The following DRAM2 variants were observed in gnomAD, a reference collection of about 807,000 sequenced individuals.
DRAM2 encodes the protein DNA damage regulated autophagy modulator 2, also known as DNA damage-regulated autophagy modulator protein 2.
DRAM2 carries 26 observed loss-of-function variants against 33.5 expected under a neutral mutation model. The ratio of observed to expected loss-of-function variants is 0.78; its 90% CI spans 0.57 to 1.08. The LOEUF is 1.08. Ranked by LOEUF, DRAM2 falls within the 50% of genes least tolerant of loss-of-function variation. The pLI, the probability that DRAM2 is intolerant of heterozygous loss-of-function variation, is 0.00. For synonymous variants in DRAM2, 98 were observed against 109.5 expected (o/e 0.89, Z 0.66); for missense variants, 311 against 318.1 (o/e 0.98, Z 0.17).
chr1:111,125,870 A>G (rs1316619477), intron 5 of DRAM2, among the ~76,000 whole-genome samples: 1 of 152,168 alleles, frequency 6.6e-6, no homozygotes, highest in East Asian at 1.9e-4. Flanking sequence ...TGTTTATCCC[A>G]AAGGAATTTA....
intron 3 of DRAM2, among the ~76,000 whole-genome samples, chr1:111,133,334 C>T (rs992993740): frequency 1.3e-5 from 2 of 152,096 alleles, no homozygotes; most frequent in Admixed American, 6.5e-5. Context: ...TCTGCCACCA[C>T]GTCCGGCTAA....
chr1:111,132,527 A>C (rs1000436710), intron 3 of DRAM2, among the ~76,000 whole-genome samples: 2 of 152,190 alleles, frequency 1.3e-5, no homozygotes, highest in Non-Finnish European at 2.9e-5. Context: ...ATCTGATGCT[A>C]TCTCTAGGTA....
chr1:111,138,479 G>C (rs567706382), intron 2 of DRAM2, among the ~76,000 whole-genome samples: 5 of 152,334 alleles, frequency 3.3e-5, no homozygotes, highest in Admixed American at 2.0e-4. Context: ...AGGGCAGTAA[G>C]AATGTTTATA....
chr1:111,131,524 G>A lies in DRAM2; in HGVS notation c.31C>T (p.Leu11Phe), dbSNP rs770108040. The A allele has an allele frequency of 1.2e-6, 2 of 1,614,100 alleles. No homozygotes were observed. Among genetic ancestry groups the A allele is most frequent in the Non-Finnish European group, 1.7e-6 (2 of 1,180,000 alleles). Residue 11 changes from leucine (L) to phenylalanine (F), a missense_variant, in exon 4 of 10, where the codon CTT (leucine) becomes TTT (phenylalanine). Transcript: ENST00000484310. ...GTCCAAATTACAAGGGCTGAAGGAA[G>A]GAAACTGAGGCCTTGCTGAAACCAC... The part of the protein sequence containing the change: MWWFQQGLSF[L>F]PSALVIWTSA...
rs544772358 is a variant in DRAM2, at chr1:111,118,253, C to T, written c.708G>A (p.Arg236=). 9.3e-6 allele frequency: 15 copies of T among 1,611,052 alleles called. No homozygotes were observed. The African/African-American group carries it at 1.2e-4, about 13-fold the overall frequency. ...TTAATCCATGTAAATTGGCTTCCACCCGTAAAGAAATTTTCTGGAACAGAA... is the reference window on the plus strand; with the variant it reads ...TTAATCCATGTAAATTGGCTTCCACTCGTAAAGAAATTTTCTGGAACAGAA... ...YIRDFQKISL[R]VEANLHGLTL... Residue 236 remains arginine, a synonymous_variant, in exon 10 of 10, where the codon CGG becomes CGA. Transcript: ENST00000484310.
Position 111,117,574 on chromosome 1 carries a change from T to TA in DRAM2, c.*585_*586insT, listed in dbSNP as rs1649171626. The TA allele has an allele frequency of 6.6e-6, 1 of 152,416 alleles. No homozygotes were observed. The highest frequency in any genetic ancestry group is 6.5e-5 in the Admixed American group (1 of 15,308). 9.4% of individuals were successfully genotyped at this position (152,416 alleles called of 1,614,324 possible). ...ATTGTGGCCAGAAAAAAAAAAATCGTTACCTACAAAATCTCTTGGGCAACA... is the reference window on the plus strand; with the variant it reads ...ATTGTGGCCAGAAAAAAAAAAATCGTATACCTACAAAATCTCTTGGGCAACA... On this transcript the variant is annotated 3_prime_UTR_variant, in exon 10 of 10. Coordinates refer to ENST00000484310, the MANE Select transcript of DRAM2 (RefSeq NM_001349884.2).
At chr1:111,125,151 G>C (rs1022802886) in intron 5 of DRAM2, among the ~76,000 whole-genome samples, 1 of 152,138 alleles carries the variant, frequency 6.6e-6, no homozygotes, top group Non-Finnish European at 1.5e-5. Flanking sequence ...AGCTGGGACT[G>C]TAGGCACATA....
chr1:111,131,252 T>G (rs1652016929), intron 4 of DRAM2, among the ~76,000 whole-genome samples, 172 bp downstream of exon 4: 2 of 152,324 alleles, frequency 1.3e-5, no homozygotes, highest in South Asian at 4.1e-4. Context: ...GTCTCTACAT[T>G]TCTCTATCAC....
intron 8 of DRAM2, 21 bp downstream of exon 8, chr1:111,119,854 GTT>G (rs751747612): frequency 1.3e-6 from 2 of 1,587,288 alleles, no homozygotes; most frequent in Non-Finnish European, 1.7e-6. Context: ...ATAAAACTAA[GTT>G]TATAGACTGT....
intron 5 of DRAM2, 26 bp from the exon 6 acceptor site, chr1:111,124,907 AC>A: frequency 1.2e-6 from 2 of 1,605,348 alleles, no homozygotes; most frequent in Non-Finnish European, 8.5e-7. Context: ...CCAAAAAACA[AC>A]AAAGTAATAA....
intron 4 of DRAM2, among the ~76,000 whole-genome samples, chr1:111,130,217 G>GT (rs538241910): frequency 2.0e-3 from 303 of 152,254 alleles, no homozygotes; most frequent in African/African-American, 6.8e-3. Flanking sequence ...AGCATAAAAA[G>GT]TAAGAGCCTA....
intron 4 of DRAM2, among the ~76,000 whole-genome samples, 169 bp from the exon 5 acceptor site, chr1:111,126,463 A>G (rs934610594): frequency 4.6e-5 from 7 of 151,910 alleles, no homozygotes; most frequent in African/African-American, 1.7e-4. Context: ...GAGTTCACAA[A>G]TATCTGCCTA....
At chr1:111,139,730 G>C (rs932861134) in intron 1 of DRAM2, 64 bp from the exon 2 acceptor site, 3 of 152,482 alleles carry the variant, frequency 2.0e-5, no homozygotes, top group Non-Finnish European at 2.9e-5. Flanking sequence ...GGCAGGAGGA[G>C]AGTAGGGGAA....
At chr1:111,129,987 T>C (rs553124193) in intron 4 of DRAM2, among the ~76,000 whole-genome samples, 159 of 152,312 alleles carry the variant, frequency 1.0e-3, no homozygotes, top group South Asian at 7.7e-3. Context: ...ATAATCACTC[T>C]AGTATTGTTT....
rs566337309 is a variant in DRAM2, at chr1:111,117,591, T to C, written c.*569A>G. 6.5e-6 allele frequency: 1 copy of C among 153,022 alleles called. No homozygotes were observed. Among genetic ancestry groups the C allele is most frequent in the East Asian group, 1.9e-4 (1 of 5,186 alleles). 9.5% of individuals were successfully genotyped at this position (153,022 alleles called of 1,614,324 possible). ...AAAAATCGTTACCTACAAAATCTCT[T>C]GGGCAACACTTAAGCCATGGAAGAG... On this transcript the variant is annotated 3_prime_UTR_variant, in exon 10 of 10. Coordinates refer to ENST00000484310, the MANE Select transcript of DRAM2 (RefSeq NM_001349884.2).
intron 8 of DRAM2, 86 bp downstream of exon 8, chr1:111,119,791 T>G: frequency 3.6e-6 from 4 of 1,106,870 alleles, no homozygotes; most frequent in Middle Eastern, 2.1e-4. Flanking sequence ...ACTTTCATTG[T>G]TACTGATGAA....
intron 6 of DRAM2, among the ~76,000 whole-genome samples, chr1:111,123,349 T>C (rs1650388660): frequency 6.6e-6 from 1 of 152,146 alleles, no homozygotes. Context: ...TGGAATTACA[T>C]GAGTTACTGT....
At position 111,119,793 on chromosome 1, in the gene DRAM2, A is replaced by G. The variant is rs79142501; in HGVS notation, c.600+84T>C. 1,899 of 1,113,644 alleles carry G rather than the reference A, an allele frequency of 1.7e-3. 30 individuals are homozygous for G. In the African/African-American group the frequency reaches 0.027, roughly 16 times the overall value. The allele number at this position is 1,113,644 out of a possible 1,614,324, so 69.0% of individuals were successfully genotyped here. A position where few individuals can be genotyped will look rare whatever the true frequency, so the allele number is the denominator to read the frequency against. ...ATTCTACCAGAAGACTTTCATTGTT[A>G]CTGATGAAATGAAAAACATATCAAG... On this transcript the variant is annotated intron_variant, in intron 8 of 9. Transcript: ENST00000484310.
intron 6 of DRAM2, 140 bp from the exon 7 acceptor site, chr1:111,120,833 CT>C: frequency 6.3e-6 from 4 of 635,442 alleles, no homozygotes; most frequent in Non-Finnish European, 9.5e-6. Context: ...AAACAAATTA[CT>C]TTCTGAAGTA....
Sources: allele counts gnomAD v4.1 joint callset (sites outside exome capture counted in the v4.1 genomes callset), GRCh38; gene constraint gnomAD v4.1.1; transcripts MANE v1.5; gene names NCBI Gene and HGNC (gene_info 2026-07-23, HGNC 2026-07-21).